SLAIN2: variants seen among roughly 807,000 people sequenced by gnomAD.
SLAIN2 encodes SLAIN family member 2.
SLAIN2 carries 31 observed loss-of-function variants against 56.6 expected under a neutral mutation model. The ratio of observed to expected loss-of-function variants is 0.55; its 90% confidence interval spans 0.41 to 0.74. SLAIN2 has a LOEUF of 0.74. Among genes scored for constraint, SLAIN2 ranks in the 30% least tolerant of loss-of-function variants. The pLI is 0.00. For missense variants in SLAIN2, 777 were observed against 754.2 expected (o/e 1.03, Z -0.35); for synonymous variants, 317 against 284.9 (o/e 1.11, Z -1.13).
chr4:48,403,682 A>C (rs1308232649), intron 6 of SLAIN2, among the ~76,000 whole-genome samples: 3 of 152,144 alleles, frequency 2.0e-5, no homozygotes, highest in Non-Finnish European at 2.9e-5. Context: ...AGGTCTTGTG[A>C]GGTGCCGTGG....
intron 6 of SLAIN2, among the ~76,000 whole-genome samples, chr4:48,416,405 G>GAACA (rs1716995984): frequency 8.2e-6 from 1 of 122,320 alleles, no homozygotes; most frequent in Non-Finnish European, 1.7e-5. Flanking sequence ...TTTGTACATT[G>GAACA]ATTTTGTATC....
chr4:48,373,998 A>G lies in SLAIN2; in HGVS notation c.539-3898A>G, dbSNP rs576940254. ...GGTTGTGGTGAGCCAAGATCGTGCC[A>G]TTGCTCTCCAGCCTGGGCAGCAAGA... On this transcript the variant is annotated intron_variant, in intron 2 of 7. Coordinates refer to ENST00000264313, the MANE Select transcript of SLAIN2 (RefSeq NM_020846.2). Among the ~76,000 whole-genome samples the G allele has an allele frequency of 2.3e-3, 346 of 152,158 alleles. 2 individuals are homozygous for G. Among genetic ancestry groups the G allele is most frequent in the South Asian group, 0.018 (87 of 4,806 alleles).
rs546518038 is a variant in SLAIN2 at position 48,386,118 on chromosome 4, A to G, written c.1360+2334A>G. ...AAAAAAAAAAAAAAAAAGCTACGAA[A>G]AAACTATATTTGAATCAAAATGACT... On this transcript the variant is annotated intron_variant, in intron 6 of 7. Transcript: ENST00000264313. Among the ~76,000 whole-genome samples the G allele has an allele frequency of 5.1e-4, 78 of 151,866 alleles. 2 individuals carry two copies. The highest frequency in any genetic ancestry group is 1.8e-4 in the Non-Finnish European group (12 of 67,944).
intron 1 of SLAIN2, among the ~76,000 whole-genome samples, chr4:48,365,815 G>A (rs1372459114): frequency 6.6e-6 from 1 of 152,044 alleles, no homozygotes; most frequent in Non-Finnish European, 1.5e-5. Context: ...CACCAGCCTC[G>A]GCCTCCCAAA....
intron 6 of SLAIN2, among the ~76,000 whole-genome samples, chr4:48,413,196 C>G (rs939178041): frequency 2.6e-5 from 4 of 151,384 alleles, no homozygotes; most frequent in East Asian, 3.9e-4. Context: ...CCACTGTTCT[C>G]CATCCTGGGT....
intron 6 of SLAIN2, chr4:48,394,560 C>T (rs746542855): frequency 1.3e-6 from 2 of 1,534,028 alleles, no homozygotes; most frequent in Non-Finnish European, 1.7e-6. Context: ...TATTACAGTT[C>T]CTTATTTTTC....
chr4:48,344,249 T>C (rs1450253003), intron 1 of SLAIN2, among the ~76,000 whole-genome samples: 11 of 152,218 alleles, frequency 7.2e-5, no homozygotes, highest in Non-Finnish European at 1.5e-4. Context: ...ATAAATCATA[T>C]TTAAAATGCG....
chr4:48,388,771 G>T (rs1716162268), intron 6 of SLAIN2, among the ~76,000 whole-genome samples: 1 of 152,220 alleles, frequency 6.6e-6, no homozygotes, highest in Admixed American at 6.5e-5. Context: ...GTCAGACCAT[G>T]ATTTGAGATT....
chr4:48,359,204 T>C (rs1000951037), intron 1 of SLAIN2, among the ~76,000 whole-genome samples: 6 of 152,204 alleles, frequency 3.9e-5, no homozygotes, highest in African/African-American at 1.2e-4. Flanking sequence ...TATAAGTGTC[T>C]GTGTTGGGGA....
chr4:48,390,126 C>T (rs1291291795), intron 6 of SLAIN2, among the ~76,000 whole-genome samples: 10 of 145,810 alleles, frequency 6.9e-5, no homozygotes, highest in South Asian at 4.3e-4. Context: ...CAGGCTGGAG[C>T]GGCGGTGGCG....
chr4:48,423,160 G>T lies in SLAIN2; in HGVS notation c.*1083G>T, dbSNP rs1360848641. On this transcript the variant is annotated 3_prime_UTR_variant, in exon 8 of 8. Transcript: ENST00000264313. ...ATTATGTGGTAGGAAAATATAGCCT[G>T]CTAAATCCTACTTAAGTTGATCCAC... is the stretch of plus-strand genomic sequence containing the variant. The T allele has an allele frequency of 2.0e-5, 3 of 152,130 alleles. No homozygotes were observed. The highest frequency in any genetic ancestry group is 7.2e-5 in the African/African-American group (3 of 41,434). 9.4% of individuals were successfully genotyped at this position (152,130 alleles called of 1,614,324 possible).
chr4:48,394,745 A>G (rs1366879114), intron 6 of SLAIN2: 3 of 918,552 alleles, frequency 3.3e-6, no homozygotes, highest in East Asian at 2.7e-5. Context: ...GGTGTCTGTA[A>G]GGCACATTTT....
chr4:48,406,525 C>CTCTTT, intron 6 of SLAIN2, among the ~76,000 whole-genome samples: 1 of 135,102 alleles, frequency 7.4e-6, no homozygotes, highest in Non-Finnish European at 1.6e-5. Flanking sequence ...CTCTCTCTCT[C>CTCTTT]TTTTTTTTTT....
rs202197131 is a variant in SLAIN2, at chr4:48,372,041, TAC to T, written c.538+2046_538+2047del. Reference sequence around the variant, plus strand: ...ACATATATACACATATATATACATATACATATATACATATATATATATACACA... The same window carrying T: ...ACATATATACACATATATATACATATATATATACATATATATATATACACA... On this transcript the variant is annotated intron_variant, in intron 2 of 7. Coordinates refer to ENST00000264313, the MANE Select transcript of SLAIN2 (RefSeq NM_020846.2). Among the ~76,000 whole-genome samples, 839 of 134,798 alleles carry T rather than the reference TAC, an allele frequency of 6.2e-3. 10 individuals are homozygous for T. Among genetic ancestry groups the T allele is most frequent in the African/African-American group, 0.023 (802 of 34,352 alleles). 88.4% of individuals were successfully genotyped at this position (134,798 alleles called of 152,430 possible).
At chr4:48,364,157 G>C (rs1172661220) in intron 1 of SLAIN2, among the ~76,000 whole-genome samples, 4 of 57,896 alleles carry the variant, frequency 6.9e-5, no homozygotes, top group African/African-American at 2.7e-4. Flanking sequence ...TCACTTCTCA[G>C]ACGGGGCGGC....
intron 6 of SLAIN2, among the ~76,000 whole-genome samples, chr4:48,408,091 C>T (rs1300964742): frequency 1.3e-5 from 2 of 152,090 alleles, no homozygotes; most frequent in South Asian, 4.1e-4. Context: ...AATGCCAGCA[C>T]TTTGGGCGGC....
chr4:48,418,153 C>G (rs1331173108), intron 6 of SLAIN2, among the ~76,000 whole-genome samples: 4 of 148,520 alleles, frequency 2.7e-5, no homozygotes, highest in Non-Finnish European at 4.4e-5. Flanking sequence ...TTTCTCCTTC[C>G]TTCTCCCTCT....
At chr4:48,396,217 T>C (rs560215212) in intron 6 of SLAIN2, among the ~76,000 whole-genome samples, 1 of 152,264 alleles carries the variant, frequency 6.6e-6, no homozygotes, top group South Asian at 2.1e-4. Context: ...GGAACTGTTA[T>C]GAACTGGAAT....
intron 6 of SLAIN2, among the ~76,000 whole-genome samples, chr4:48,413,142 C>T (rs182899573): frequency 3.7e-3 from 564 of 151,944 alleles, no homozygotes; most frequent in Non-Finnish European, 3.7e-3. Flanking sequence ...GCACGAGAGT[C>T]GCTTGAACCT....
Sources: allele counts gnomAD v4.1 joint callset (sites outside exome capture counted in the v4.1 genomes callset), GRCh38; gene constraint gnomAD v4.1.1; transcripts MANE v1.5; gene names NCBI Gene and HGNC (gene_info 2026-07-23, HGNC 2026-07-21).